DOCK10: variants seen among roughly 807,000 people sequenced by gnomAD.
DOCK10 encodes dedicator of cytokinesis protein 10.
A neutral mutation model predicts 280.1 loss-of-function variants in DOCK10; 145 were observed. The observed-to-expected ratio is 0.52, with a 90% CI of 0.45 to 0.59. The LOEUF (loss-of-function observed/expected upper bound fraction) is 0.59, where lower values mean the gene tolerates loss of function less well. Among genes scored for constraint, DOCK10 ranks in the 20% least tolerant of loss-of-function variants. The pLI is 0.00. For synonymous variants in DOCK10, 915 were observed against 942.2 expected (o/e 0.97, Z 0.53); for missense variants, 2,368 against 2,651.7 (o/e 0.89, Z 2.35).
At position 224,874,070 on chromosome 2, in the gene DOCK10, T is replaced by C. The variant is rs753037881; in HGVS notation, c.1183A>G (p.Met395Val). The change falls in exon 11 of 56, where the codon ATG (methionine) becomes GTG (valine). Residue 395 changes from methionine to valine, a missense_variant. Physicochemically the swap from Met to Val is conservative, Grantham distance 21 (BLOSUM62 1). Around this residue, in one of 2 missense-constraint regions of DOCK10, gnomAD observed 1,209 missense variants for 1,250.9 expected, o/e 0.97. Coordinates refer to ENST00000258390, the MANE Select transcript of DOCK10 (RefSeq NM_014689.3). ...GAGTTGAGGGCTTTACAGATGATCA[T>C]GATTCTCTTGGCAGCTTTTTCTTCA... is the stretch of plus-strand genomic sequence containing the variant. Reference protein sequence around the residue: ...PFEEKAAKRIMIICKALNSNL... With the variant: ...PFEEKAAKRIVIICKALNSNL... 12 of 1,613,500 alleles carry C rather than the reference T, an allele frequency of 7.4e-6. No homozygotes were observed. Among genetic ancestry groups the C allele is most frequent in the Non-Finnish European group, 1.0e-5 (12 of 1,179,702 alleles).
At chr2:224,867,055 G>A (rs1244582265) in intron 11 of DOCK10, among the ~76,000 whole-genome samples, 50 of 146,738 alleles carry the variant, frequency 3.4e-4, no homozygotes, top group Admixed American at 3.2e-3. Flanking sequence ...TCTGCCCTCC[G>A]ATCATACAGA....
At position 224,854,988 on chromosome 2, in the gene DOCK10, A is replaced by T; in HGVS notation, c.1863T>A (p.Val621=). 1 of 1,610,544 alleles carries T rather than the reference A, an allele frequency of 6.2e-7. No homozygotes were observed. The highest frequency in any genetic ancestry group is 8.5e-7 in the Non-Finnish European group (1 of 1,178,300). ...QTIPGSLDIA[V]DNVPLEHPNC... is the part of the protein sequence containing the mutation. ...TTGGATGCTCCAAGGGAACGTTGTC[A>T]ACAGCAATATCCAGGCTTCCAGGAA... is the stretch of plus-strand genomic sequence containing the variant. Residue 621 remains valine (V), a synonymous_variant, in exon 16 of 56, where the codon GTT becomes GTA. Coordinates refer to ENST00000258390, the MANE Select transcript of DOCK10 (RefSeq NM_014689.3).
chr2:224,776,789 C>T (rs1690895823), intron 51 of DOCK10, among the ~76,000 whole-genome samples: 1 of 152,206 alleles, frequency 6.6e-6, no homozygotes, highest in African/African-American at 2.4e-5. Flanking sequence ...TCATTCCTCC[C>T]CATCATTGCA....
intron 27 of DOCK10, among the ~76,000 whole-genome samples, chr2:224,827,683 A>G (rs964793240): frequency 6.6e-6 from 1 of 152,214 alleles, no homozygotes; most frequent in African/African-American, 2.4e-5. Flanking sequence ...GAGCTTAACA[A>G]CAGAGAGATA....
Position 225,028,925 on chromosome 2 carries a change from C to G in DOCK10, c.123+13327G>C, listed in dbSNP as rs141165499. Among the ~76,000 whole-genome samples, 71 of 152,258 alleles carry G rather than the reference C, an allele frequency of 4.7e-4. No homozygotes were observed. The East Asian group carries it at 9.5e-3, about 20-fold the overall frequency. On this transcript the variant is annotated intron_variant, in intron 1 of 55. Coordinates refer to ENST00000258390, the MANE Select transcript of DOCK10 (RefSeq NM_014689.3). ...TGTGCCCAGGTTAAGCGAATGTGTA[C>G]TATTTAAACATCTTTAAAGGTAGTG...
At chr2:224,943,067 G>T (rs1310588467) in intron 1 of DOCK10, among the ~76,000 whole-genome samples, 1 of 151,930 alleles carries the variant, frequency 6.6e-6, no homozygotes, top group African/African-American at 2.4e-5. Context: ...GTTAAAAAAA[G>T]AATAAAATAA....
At chr2:224,816,941 T>C (rs762428986) in intron 29 of DOCK10, among the ~76,000 whole-genome samples, 55 of 152,220 alleles carry the variant, frequency 3.6e-4, no homozygotes, top group Non-Finnish European at 6.5e-4. Flanking sequence ...ATAATCCCAT[T>C]TGTAACCTAC....
chr2:224,927,407 T>C (rs1322854712), intron 2 of DOCK10, among the ~76,000 whole-genome samples: 2 of 152,150 alleles, frequency 1.3e-5, no homozygotes, highest in Non-Finnish European at 2.9e-5. Context: ...TTGAGTACTG[T>C]GTGTGAACGA....
intron 51 of DOCK10, among the ~76,000 whole-genome samples, chr2:224,775,904 T>A (rs1365762953): frequency 6.6e-6 from 1 of 152,280 alleles, no homozygotes; most frequent in Non-Finnish European, 1.5e-5. Flanking sequence ...GGAGGGAGAT[T>A]CCTTGTTTAA....
intron 23 of DOCK10, among the ~76,000 whole-genome samples, chr2:224,841,431 TTTTCA>T (rs1559534562): frequency 6.6e-6 from 1 of 152,188 alleles, no homozygotes; most frequent in Non-Finnish European, 1.5e-5. Flanking sequence ...GCTGGTATTT[TTTTCA>T]GAACTTGAGT....
Position 224,987,105 on chromosome 2 carries a change from A to AT in DOCK10, c.123+55146dup, listed in dbSNP as rs1332037012. ...TAGCTCAAGGTGGTGCGTGGAGTAC[A>AT]TTTTTTTAGCTATCTCTTTCCCCAA... On this transcript the variant is annotated intron_variant, in intron 1 of 55. Transcript: ENST00000258390. Among the ~76,000 whole-genome samples, 9 of 152,254 alleles carry AT rather than the reference A, an allele frequency of 5.9e-5. No homozygotes were observed. In the South Asian group the frequency reaches 1.7e-3, roughly 28 times the overall value.
chr2:224,958,444 A>G (rs1575114707), intron 1 of DOCK10, among the ~76,000 whole-genome samples: 2 of 152,310 alleles, frequency 1.3e-5, no homozygotes, highest in South Asian at 4.1e-4. Flanking sequence ...TGGTTTGGAT[A>G]AGGATAATTA....
chr2:224,877,240 T>C (rs1001176170), intron 7 of DOCK10, among the ~76,000 whole-genome samples: 2 of 152,224 alleles, frequency 1.3e-5, no homozygotes, highest in African/African-American at 4.8e-5. Flanking sequence ...CCAGAGCACT[T>C]ACCATGATTT....
intron 53 of DOCK10, 119 bp downstream of exon 53, chr2:224,773,038 G>C: frequency 1.1e-6 from 1 of 915,050 alleles, no homozygotes; most frequent in East Asian, 2.7e-5. Flanking sequence ...AGATAAAGGT[G>C]TTCTATTCTC....
chr2:224,915,990 G>A (rs1333429150), intron 3 of DOCK10, among the ~76,000 whole-genome samples: 1 of 152,234 alleles, frequency 6.6e-6, no homozygotes, highest in Non-Finnish European at 1.5e-5. Context: ...AATCTCCAAT[G>A]TTGAAGGTGT....
At chr2:224,787,210 T>C (rs1691791628) in intron 49 of DOCK10, 65 bp downstream of exon 49, 2 of 1,610,224 alleles carry the variant, frequency 1.2e-6, no homozygotes, top group African/African-American at 2.7e-5. Flanking sequence ...TTTTGAAAAC[T>C]GTAAGTAATT....
In DOCK10 at chr2:224,801,948, T is replaced by C. The variant is rs760264137; in HGVS notation, c.4361A>G (p.Lys1454Arg). ...IRGKNALSNP[K>R]LLQMLDNTMT... is the part of the protein sequence containing the mutation. ...GGTATTGTCTAACATCTGTAAGAGT[T>C]TGGGGTTAGAAAGTGCATTTTTGCC... Residue 1454 changes from lysine (K) to arginine (R), a missense_variant, in exon 40 of 56, where the codon AAA (lysine) becomes AGA (arginine). Transcript: ENST00000258390. 2.5e-6 allele frequency: 4 copies of C among 1,613,078 alleles called. No homozygotes were observed. The highest frequency in any genetic ancestry group is 2.5e-6 in the Non-Finnish European group (3 of 1,179,284).
At chr2:224,838,793 G>A (rs13429909) in intron 24 of DOCK10, among the ~76,000 whole-genome samples, 45,215 of 151,926 alleles carry the variant, frequency 0.3, 7,973 homozygotes, top group African/African-American at 0.49. Flanking sequence ...TTAATTCAAA[G>A]CACTATCTCT....
chr2:224,886,858 G>A (rs535238204), intron 4 of DOCK10, among the ~76,000 whole-genome samples: 3 of 149,658 alleles, frequency 2.0e-5, no homozygotes, highest in African/African-American at 7.6e-5. Flanking sequence ...GGGTTGAAGC[G>A]ATTCTCATGC....
Sources: allele counts gnomAD v4.1 joint callset (sites outside exome capture counted in the v4.1 genomes callset), GRCh38; gene constraint gnomAD v4.1.1; regional missense constraint gnomAD v4.1.1; transcripts MANE v1.5; gene names NCBI Gene and HGNC (gene_info 2026-07-23, HGNC 2026-07-21).